GPR19: variants seen among roughly 807,000 people sequenced by gnomAD.
GPR19 encodes the protein G protein-coupled receptor 19.
A neutral mutation model predicts 28.5 loss-of-function variants in GPR19; 14 were observed. That is an observed-to-expected ratio of 0.49 (90% CI 0.32 to 0.77). The LOEUF (loss-of-function observed/expected upper bound fraction) is 0.77, where lower values mean the gene tolerates loss of function less well. Among genes scored for constraint, GPR19 ranks in the 30% least tolerant of loss-of-function variants. The pLI is 0.03. For synonymous variants in GPR19, 173 were observed against 184.1 expected (o/e 0.94, Z 0.49); for missense variants, 409 against 504.1 (o/e 0.81, Z 1.81).
At chr12:12,670,212 A>C (rs1462997614) in intron 3 of GPR19, among the ~76,000 whole-genome samples, 1 of 152,250 alleles carries the variant, frequency 6.6e-6, no homozygotes, top group Non-Finnish European at 1.5e-5. Context: ...ATTTCAGATA[A>C]ATAACAAATA....
intron 2 of GPR19, among the ~76,000 whole-genome samples, chr12:12,685,809 G>T (rs536665310): frequency 6.6e-6 from 1 of 152,250 alleles, no homozygotes; most frequent in Admixed American, 6.5e-5. Flanking sequence ...ATCACAGGGT[G>T]GTGGAAAGAA....
upstream of GPR19, among the ~76,000 whole-genome samples, chr12:12,700,021 C>T (rs1254539033): frequency 1.4e-5 from 2 of 147,918 alleles, no homozygotes; most frequent in African/African-American, 5.0e-5. Flanking sequence ...TCATGTTGCT[C>T]CTGCTGGTCT....
the GPR19 span, among the ~76,000 whole-genome samples, chr12:12,711,528 T>C: frequency 6.6e-6 from 1 of 152,216 alleles, no homozygotes; most frequent in South Asian, 2.1e-4. Flanking sequence ...TTACATTCTA[T>C]TGGAAAATAC....
the GPR19 span, among the ~76,000 whole-genome samples, chr12:12,710,506 A>C: frequency 1.3e-5 from 2 of 152,088 alleles, no homozygotes; most frequent in Non-Finnish European, 2.9e-5. Context: ...ATCCCTTCAC[A>C]TTTTGTGTCA....
intron 3 of GPR19, among the ~76,000 whole-genome samples, chr12:12,681,151 T>G (rs758276591): frequency 2.0e-5 from 3 of 152,136 alleles, no homozygotes; most frequent in Non-Finnish European, 2.9e-5. Context: ...TCATCCAATT[T>G]TTTGCCTTGG....
At chr12:12,686,243 T>C (rs755194506) in intron 2 of GPR19, among the ~76,000 whole-genome samples, 1 of 152,236 alleles carries the variant, frequency 6.6e-6, no homozygotes, top group South Asian at 2.1e-4. Context: ...AGCTGGAGTA[T>C]AATTTTCAAG....
chr12:12,704,563 G>C, the GPR19 span, among the ~76,000 whole-genome samples: 1 of 152,190 alleles, frequency 6.6e-6, no homozygotes, highest in African/African-American at 2.4e-5. Context: ...TATTGTGTGA[G>C]TAGTGTATGA....
chr12:12,698,816 T>TG (rs1452417127), upstream of GPR19, among the ~76,000 whole-genome samples: 2 of 151,916 alleles, frequency 1.3e-5, no homozygotes, highest in Non-Finnish European at 1.5e-5. Flanking sequence ...TTCACCATGT[T>TG]GGCCAGGCTA....
At chr12:12,683,816 T>C (rs1156996858) in intron 3 of GPR19, among the ~76,000 whole-genome samples, 1 of 152,180 alleles carries the variant, frequency 6.6e-6, no homozygotes, top group East Asian at 1.9e-4. Context: ...TTCTACAAGA[T>C]GTGAAATTCT....
At chr12:12,685,111 C>T (rs534835472) in intron 2 of GPR19, 1 of 152,258 alleles carries the variant, frequency 6.6e-6, no homozygotes, top group Non-Finnish European at 1.5e-5. Context: ...ATAAACCACA[C>T]CATATGTTTA....
At chr12:12,716,988 C>A in the GPR19 span, 1 of 994,328 alleles carries the variant, frequency 1.0e-6, no homozygotes, top group Non-Finnish European at 1.2e-6. Context: ...TGGTCCAGGT[C>A]CCGGCTTCCC....
the GPR19 span, chr12:12,717,010 G>A: frequency 1.0e-6 from 1 of 998,606 alleles, no homozygotes; most frequent in South Asian, 4.7e-5. Flanking sequence ...GGCGAGGAGC[G>A]GGAGGGAGGT....
intron 2 of GPR19, among the ~76,000 whole-genome samples, chr12:12,689,506 T>C (rs1417454208): frequency 6.6e-6 from 1 of 151,900 alleles, no homozygotes; most frequent in Non-Finnish European, 1.5e-5. Flanking sequence ...TTATGAAAGA[T>C]GAAACATTTC....
the GPR19 span, among the ~76,000 whole-genome samples, chr12:12,709,670 A>G: frequency 6.6e-6 from 1 of 152,036 alleles, no homozygotes; most frequent in Non-Finnish European, 1.5e-5. Context: ...GAACTCTAGG[A>G]TCAAGCAGTC....
chr12:12,694,061 A>G (rs2136338054), intron 2 of GPR19, among the ~76,000 whole-genome samples: 1 of 152,248 alleles, frequency 6.6e-6, no homozygotes, highest in East Asian at 1.9e-4. Flanking sequence ...GGGTTTTAAG[A>G]AAGTACTGAT....
At chr12:12,681,393 C>G (rs1946019004) in intron 3 of GPR19, among the ~76,000 whole-genome samples, 1 of 152,220 alleles carries the variant, frequency 6.6e-6, no homozygotes, top group South Asian at 2.1e-4. Flanking sequence ...CCCCTCACCT[C>G]TAGGTTGAAA....
the GPR19 span, among the ~76,000 whole-genome samples, chr12:12,715,489 T>G: frequency 6.6e-6 from 1 of 152,244 alleles, no homozygotes; most frequent in African/African-American, 2.4e-5. Context: ...TTAGTTGAAC[T>G]AGTGGATGGT....
chr12:12,686,401 T>C (rs778190590), intron 2 of GPR19, among the ~76,000 whole-genome samples: 1 of 152,236 alleles, frequency 6.6e-6, no homozygotes, highest in Non-Finnish European at 1.5e-5. Flanking sequence ...AAAATTCATT[T>C]ATCAAAAAAG....
chr12:12,693,697 T>A (rs948561235), intron 2 of GPR19, among the ~76,000 whole-genome samples: 2 of 152,202 alleles, frequency 1.3e-5, no homozygotes, highest in African/African-American at 4.8e-5. Flanking sequence ...AGCTCTAAAC[T>A]TCATTCCTCC....
Sources: gnomAD v4.1 joint callset for allele counts (sites outside exome capture counted in the v4.1 genomes callset) on GRCh38, gnomAD v4.1.1 for gene constraint, MANE v1.5 for transcripts, NCBI Gene and HGNC (gene_info 2026-07-23, HGNC 2026-07-21) for gene names.